Variants in ABCA13 observed in about 807,000 individuals in gnomAD.
ABCA13 encodes ATP binding cassette subfamily A member 13.
A neutral mutation model predicts 478.7 loss-of-function variants in ABCA13; 476 were observed. The ratio of observed to expected loss-of-function variants is 0.99; its 90% CI spans 0.92 to 1.07. The LOEUF (loss-of-function observed/expected upper bound fraction) is 1.07, where lower values mean the gene tolerates loss of function less well. Among genes scored for constraint, ABCA13 ranks in the 50% least tolerant of loss-of-function variants. The pLI is 0.00. For synonymous variants in ABCA13, 2,252 were observed against 2,158.9 expected, an observed-to-expected ratio of 1.04 and a Z score of -1.20; for missense variants, 6,060 against 5,910.6, an observed-to-expected ratio of 1.03 and a Z score of -0.83.
chr7:48,615,468 A>AAT, intron 59 of ABCA13, 91 bp downstream of exon 59: 1 of 1,130,636 alleles, frequency 8.8e-7, no homozygotes, highest in Non-Finnish European at 1.3e-6. Context: ...AGAGGCAAGT[A>AAT]TGTTCCAATT....
At chr7:48,310,227 G>C in intron 24 of ABCA13, 86 bp downstream of exon 24, 1 of 1,418,840 alleles carries the variant, frequency 7.0e-7, no homozygotes, top group Non-Finnish European at 9.6e-7. Flanking sequence ...CTAGGGGTGC[G>C]GCAGTGGGAG....
At chr7:48,313,550 C>G (rs1802087129) in intron 25 of ABCA13, among the ~76,000 whole-genome samples, 1 of 152,162 alleles carries the variant, frequency 6.6e-6, no homozygotes, top group African/African-American at 2.4e-5. Flanking sequence ...GCCTGTTTAA[C>G]TTAATTCAGA....
At chr7:48,254,528 C>T (rs1449659408) in intron 15 of ABCA13, among the ~76,000 whole-genome samples, 7 of 152,076 alleles carry the variant, frequency 4.6e-5, no homozygotes, top group Non-Finnish European at 1.0e-4. Flanking sequence ...CCTTGGACAC[C>T]CAAAGCACTC....
chr7:48,558,358 G>A (rs372335350), intron 55 of ABCA13, among the ~76,000 whole-genome samples: 19 of 151,220 alleles, frequency 1.3e-4, no homozygotes, highest in East Asian at 3.9e-4. Flanking sequence ...GTGCAATGGC[G>A]CAATCTTGGC....
chr7:48,466,557 C>T (rs914827192), intron 43 of ABCA13, among the ~76,000 whole-genome samples: 4 of 152,150 alleles, frequency 2.6e-5, no homozygotes, highest in African/African-American at 9.7e-5. Flanking sequence ...CAAACTGGAG[C>T]TCCAACTTTA....
At chr7:48,255,906 T>A (rs58425567) in intron 15 of ABCA13, among the ~76,000 whole-genome samples, 6,685 of 152,186 alleles carry the variant, frequency 0.044, 369 homozygotes, top group African/African-American at 0.13. Flanking sequence ...ACGATGTTGA[T>A]CTAATTTACT....
chr7:48,416,124 C>A (rs1360672092), intron 41 of ABCA13, among the ~76,000 whole-genome samples: 1 of 152,148 alleles, frequency 6.6e-6, no homozygotes, highest in African/African-American at 2.4e-5. Flanking sequence ...CTCGTATTAT[C>A]TTCAGAATCT....
At chr7:48,540,401 CTTA>C (rs1424103497) in intron 55 of ABCA13, among the ~76,000 whole-genome samples, 2 of 152,004 alleles carry the variant, frequency 1.3e-5, no homozygotes, top group African/African-American at 4.8e-5. Context: ...CTGCAAGTCC[CTTA>C]TTATACTCCA....
chr7:48,553,004 A>G (rs1785474503), intron 55 of ABCA13, among the ~76,000 whole-genome samples: 1 of 151,684 alleles, frequency 6.6e-6, no homozygotes, highest in Admixed American at 6.6e-5. Flanking sequence ...CTATCCTTCT[A>G]TTCTCTTTCT....
intron 48 of ABCA13, 64 bp from the exon 49 acceptor site, chr7:48,506,272 G>C (rs1373051031): frequency 1.3e-6 from 2 of 1,533,730 alleles, no homozygotes; most frequent in East Asian, 4.5e-5. Context: ...GTAGCCTGTA[G>C]ATGAGCTGCG....
intron 55 of ABCA13, among the ~76,000 whole-genome samples, chr7:48,579,172 G>T (rs1427220614): frequency 6.6e-6 from 1 of 152,130 alleles, no homozygotes; most frequent in Non-Finnish European, 1.5e-5. Context: ...TCCTGCAAAA[G>T]ACACTGTTAA....
rs890825061 is a variant in ABCA13 at position 48,198,295 on chromosome 7, TC to T, written c.223del (p.Leu75PhefsTer41). ...GTGTTATCCCCTTTGTTCAAAGCCT[TC>T]TTTGTAACACTGGATCAAGGTGTAG... ...CGVIPFVQSL[L>X]CNTGSRCRNF... On this transcript the variant is annotated frameshift_variant, in exon 3 of 62. Coordinates refer to ENST00000435803, the MANE Select transcript of ABCA13 (RefSeq NM_152701.5). LOFTEE classifies it high-confidence loss of function. 9 of 1,613,818 alleles carry T rather than the reference TC, an allele frequency of 5.6e-6. No homozygotes were observed. The highest frequency in any genetic ancestry group is 7.6e-6 in the Non-Finnish European group (9 of 1,179,814).
At chr7:48,326,977 A>C (rs1389925105) in intron 27 of ABCA13, among the ~76,000 whole-genome samples, 1 of 152,188 alleles carries the variant, frequency 6.6e-6, no homozygotes, top group Non-Finnish European at 1.5e-5. Context: ...ACAGATAGAG[A>C]GTTTTACATT....
At chr7:48,607,126 C>CT (rs1412236345) in intron 58 of ABCA13, among the ~76,000 whole-genome samples, 1 of 152,190 alleles carries the variant, frequency 6.6e-6, no homozygotes, top group Non-Finnish European at 1.5e-5. Flanking sequence ...GCCCGTGGAT[C>CT]TTAGTTTGCT....
chr7:48,444,925 C>G (rs1361671981), intron 42 of ABCA13, among the ~76,000 whole-genome samples: 1 of 151,978 alleles, frequency 6.6e-6, no homozygotes, highest in Non-Finnish European at 1.5e-5. Flanking sequence ...TTCCTCTTGC[C>G]CTCCATATGT....
In ABCA13 at chr7:48,391,966, C is replaced by G. The variant is rs775755386; in HGVS notation, c.11700C>G (p.Ile3900Met). 1 of 1,613,990 alleles carries G rather than the reference C, an allele frequency of 6.2e-7. No homozygotes were observed. The highest frequency in any genetic ancestry group is 8.5e-7 in the Non-Finnish European group (1 of 1,179,884). ...ACCCTCCCACTTCTGGAACCATCATCATCAATGGCAAGAACCTACAGACAG... is the reference window on the plus strand; with the variant it reads ...ACCCTCCCACTTCTGGAACCATCATGATCAATGGCAAGAACCTACAGACAG... The part of the protein sequence containing the change: ...GLHPPTSGTI[I>M]INGKNLQTDL... Residue 3900 changes from isoleucine (I) to methionine (M), a missense_variant, in exon 38 of 62, where the codon ATC becomes ATG. Physicochemically the swap from Ile to Met is conservative, Grantham distance 10. This residue lies in a region of ABCA13 where 1,627 missense variants were observed against 1,571.0 expected (regional missense o/e 1.04). Transcript: ENST00000435803.
At chr7:48,371,256 A>C (rs1812584661) in intron 32 of ABCA13, among the ~76,000 whole-genome samples, 2 of 152,168 alleles carry the variant, frequency 1.3e-5, no homozygotes, top group Admixed American at 6.6e-5. Flanking sequence ...TGTCTTGACT[A>C]TACAGGCTCT....
At chr7:48,377,327 A>G (rs1364439648) in intron 35 of ABCA13, among the ~76,000 whole-genome samples, 2 of 152,038 alleles carry the variant, frequency 1.3e-5, no homozygotes, top group Admixed American at 6.6e-5. Context: ...TACTTATTTT[A>G]TTTTTTAGAG....
At chr7:48,300,270 C>A (rs1799968745) in intron 23 of ABCA13, among the ~76,000 whole-genome samples, 1 of 152,230 alleles carries the variant, frequency 6.6e-6, no homozygotes, top group Non-Finnish European at 1.5e-5. Context: ...TTCAGTGGTG[C>A]TAAAGCCCTG....
Sources: allele counts gnomAD v4.1 joint callset (sites outside exome capture counted in the v4.1 genomes callset), GRCh38; gene constraint gnomAD v4.1.1; regional missense constraint gnomAD v4.1.1; transcripts MANE v1.5; gene names NCBI Gene and HGNC (gene_info 2026-07-23, HGNC 2026-07-21).